The following ALPK2 variants were observed in gnomAD, a reference collection of about 807,000 sequenced individuals.
ALPK2 encodes the protein alpha kinase 2.
In ALPK2, 127 loss-of-function variants were observed where a neutral mutation model predicts 163.1. The observed-to-expected ratio is 0.78, with a 90% CI of 0.67 to 0.90. The LOEUF (loss-of-function observed/expected upper bound fraction) is 0.90, where lower values mean the gene tolerates loss of function less well. Ranked by LOEUF, ALPK2 falls within the 40% of genes least tolerant of loss-of-function variation. ALPK2 has a pLI of 0.00. For synonymous variants in ALPK2, 953 were observed against 959.1 expected (o/e 0.99, Z 0.12); for missense variants, 2,360 against 2,589.6 (o/e 0.91, Z 1.92).
Position 58,535,511 on chromosome 18 carries a change from T to C in ALPK2, c.4676A>G (p.Asn1559Ser). ...THASLGVDTH[N>S]STGQIHDVPE... ...GACGTCATGAATTTGGCCTGTGGAG[T>C]TGTGCGTGTCAACCCCAAGAGAAGC... is the stretch of plus-strand genomic sequence containing the variant. The change falls in exon 5 of 13, where the codon AAC becomes AGC. Residue 1559 changes from asparagine (N) to serine (S), a missense_variant. Asn to Ser is a conservative substitution (Grantham distance 46). Transcript: ENST00000361673. 6.2e-7 allele frequency: 1 copy of C among 1,614,062 alleles called. No individual in the cohort carries two copies. The highest frequency in any genetic ancestry group is 8.5e-7 in the Non-Finnish European group (1 of 1,179,982).
chr18:58,611,904 C>T, intron 1 of ALPK2, 87 bp from the exon 2 acceptor site: 1 of 829,182 alleles, frequency 1.2e-6, no homozygotes, highest in South Asian at 1.9e-5. Context: ...CAGGGTGCCG[C>T]CCTGGCAGCT....
intron 4 of ALPK2, among the ~76,000 whole-genome samples, chr18:58,546,452 G>A (rs1568081535): frequency 1.3e-5 from 2 of 152,206 alleles, no homozygotes; most frequent in Non-Finnish European, 2.9e-5. Context: ...TGAGCCATGA[G>A]CATATGAATT....
rs375056405 is a variant in ALPK2, at chr18:58,532,363, T to C, written c.5353+2471A>G. Among the ~76,000 whole-genome samples the C allele has an allele frequency of 4.6e-5, 7 of 152,228 alleles. No individual in the cohort carries two copies. In the East Asian group the frequency reaches 1.3e-3, roughly 29 times the overall value. On this transcript the variant is annotated intron_variant, in intron 5 of 12. Coordinates refer to ENST00000361673, the MANE Select transcript of ALPK2 (RefSeq NM_052947.4). ...GGAGAGGTTGGCCGCCAGTGGCAAC[T>C]CCTCCGAAGCTGGGAAAGGACTGCA...
At chr18:58,487,357 G>A (rs1305635284) in intron 12 of ALPK2, among the ~76,000 whole-genome samples, 2 of 152,162 alleles carry the variant, frequency 1.3e-5, no homozygotes, top group East Asian at 1.9e-4. Flanking sequence ...AAACCCGGAA[G>A]CCAGAGGAGA....
intron 3 of ALPK2, among the ~76,000 whole-genome samples, chr18:58,586,239 T>C (rs1421111915): frequency 2.6e-5 from 4 of 152,216 alleles, no homozygotes; most frequent in Non-Finnish European, 5.9e-5. Flanking sequence ...TGAATGTTAA[T>C]TTATCAGAGA....
At chr18:58,497,978 G>A (rs550196751) in intron 12 of ALPK2, 71 bp downstream of exon 12, 4 of 1,429,508 alleles carry the variant, frequency 2.8e-6, no homozygotes, top group East Asian at 2.3e-5. Flanking sequence ...ACCTCAGCCT[G>A]ACAGTGTCTG....
At chr18:58,590,267 A>ATAC (rs1489331248) in intron 3 of ALPK2, among the ~76,000 whole-genome samples, 2 of 151,512 alleles carry the variant, frequency 1.3e-5, no homozygotes, top group Non-Finnish European at 2.9e-5. Context: ...TGGAATTTAG[A>ATAC]TACTATACAA....
At chr18:58,483,840 C>G (rs1449402706) in intron 12 of ALPK2, among the ~76,000 whole-genome samples, 1 of 151,616 alleles carries the variant, frequency 6.6e-6, no homozygotes, top group Non-Finnish European at 1.5e-5. Context: ...GCTGGGATTA[C>G]AAACATGAGC....
chr18:58,621,101 C>T (rs1035078804), intron 1 of ALPK2, among the ~76,000 whole-genome samples: 5 of 150,512 alleles, frequency 3.3e-5, no homozygotes, highest in South Asian at 2.1e-4. Flanking sequence ...TGCAGTGAGC[C>T]GTGACTGCAC....
At chr18:58,610,132 G>A (rs551315065) in intron 2 of ALPK2, among the ~76,000 whole-genome samples, 1 of 152,160 alleles carries the variant, frequency 6.6e-6, no homozygotes, top group South Asian at 2.1e-4. Flanking sequence ...AAATGAGCTG[G>A]GCATGGTGGT....
intron 4 of ALPK2, among the ~76,000 whole-genome samples, chr18:58,556,114 G>A (rs536598950): frequency 9.2e-5 from 14 of 152,084 alleles, no homozygotes; most frequent in South Asian, 4.2e-4. Context: ...GAGCCACCAC[G>A]CCCAGCCTTA....
chr18:58,528,884 G>A lies in ALPK2; in HGVS notation c.5501+207C>T, dbSNP rs2051597340. Reference sequence around the variant, plus strand: ...CCCAAAACCCCAGAACTCAATTCTGGCAAAACCTGGGCAAGAATCCTCCAT... The same window carrying A: ...CCCAAAACCCCAGAACTCAATTCTGACAAAACCTGGGCAAGAATCCTCCAT... On this transcript the variant is annotated intron_variant, in intron 6 of 12. Transcript: ENST00000361673. The A allele has an allele frequency of 9.9e-6, 6 of 606,546 alleles. No individual in the cohort carries two copies. In the South Asian group the frequency reaches 1.2e-4, roughly 12 times the overall value. 37.6% of individuals were successfully genotyped at this position (606,546 alleles called of 1,614,324 possible).
chr18:58,495,712 A>C (rs1294398855), intron 12 of ALPK2, among the ~76,000 whole-genome samples: 2 of 152,176 alleles, frequency 1.3e-5, no homozygotes, highest in Non-Finnish European at 2.9e-5. Flanking sequence ...AAATTTGCCT[A>C]CTCTGGTGTC....
chr18:58,601,905 C>A (rs1454659925), intron 3 of ALPK2, among the ~76,000 whole-genome samples: 2 of 152,156 alleles, frequency 1.3e-5, no homozygotes, highest in African/African-American at 2.4e-5. Flanking sequence ...CATCTTAGAT[C>A]GGAGAATTCT....
chr18:58,571,835 G>GCATGGTTACAGGCGTAACC (rs1253557127), intron 4 of ALPK2, among the ~76,000 whole-genome samples: 1 of 152,044 alleles, frequency 6.6e-6, no homozygotes, highest in Non-Finnish European at 1.5e-5. Flanking sequence ...AATTAGCCAG[G>GCATGGTTACAGGCGTAACC]TGTGGTGGCA....
Position 58,510,832 on chromosome 18 carries a change from C to G in ALPK2, c.6029+4161G>C, listed in dbSNP as rs1049823988. 2.0e-4 allele frequency among the ~76,000 whole-genome samples: 30 copies of G among 152,300 alleles called. 1 individual carries two copies. Among genetic ancestry groups the G allele is most frequent in the African/African-American group, 5.5e-4 (23 of 41,564 alleles). On this transcript the variant is annotated intron_variant, in intron 10 of 12. Coordinates refer to ENST00000361673, the MANE Select transcript of ALPK2 (RefSeq NM_052947.4). ...GATATACAATCATGTCATCTGCAAA[C>G]AGGGACAATTTGACTTTCTCTTTTC...
At chr18:58,528,923 C>T in intron 6 of ALPK2, 168 bp downstream of exon 6, 1 of 821,226 alleles carries the variant, frequency 1.2e-6, no homozygotes, top group Non-Finnish European at 1.9e-6. Context: ...TTTCCCCATC[C>T]AGACACTTGT....
At chr18:58,619,810 A>G (rs1361672978) in intron 1 of ALPK2, among the ~76,000 whole-genome samples, 4 of 152,232 alleles carry the variant, frequency 2.6e-5, no homozygotes, top group African/African-American at 7.2e-5. Flanking sequence ...TTCCCAAGAG[A>G]AATGAAAATG....
chr18:58,627,574 G>A lies in ALPK2; in HGVS notation c.-21+1190C>T, dbSNP rs566845909. Reference sequence around the variant, plus strand: ...CAGGGGGCGGAGGTTGCAGTGAGCTGAGACTGAGACATTGTACTCCAGCCT... The same window carrying A: ...CAGGGGGCGGAGGTTGCAGTGAGCTAAGACTGAGACATTGTACTCCAGCCT... On this transcript the variant is annotated intron_variant, in intron 1 of 12. Transcript: ENST00000361673. Among the ~76,000 whole-genome samples the A allele has an allele frequency of 3.8e-4, 58 of 152,282 alleles. No homozygotes were observed. In the South Asian group the frequency reaches 0.012, roughly 31 times the overall value.
Sources: gnomAD v4.1 joint callset for allele counts (sites outside exome capture counted in the v4.1 genomes callset) on GRCh38, gnomAD v4.1.1 for gene constraint, MANE v1.5 for transcripts, NCBI Gene and HGNC (gene_info 2026-07-23, HGNC 2026-07-21) for gene names.